The following AUTS2 variants were observed in gnomAD, a reference collection of about 807,000 sequenced individuals.
The protein encoded by AUTS2 is activator of transcription and developmental regulator AUTS2.
AUTS2 carries 17 observed loss-of-function variants against 112.4 expected under a neutral mutation model. The ratio of observed to expected loss-of-function variants is 0.15; its 90% CI spans 0.10 to 0.23. The LOEUF is 0.23. Ranked by LOEUF, AUTS2 falls within the 10% of genes least tolerant of loss-of-function variation. The pLI is 1.00. For synonymous variants in AUTS2, 751 were observed against 702.7 expected (o/e 1.07, Z -1.09); for missense variants, 1,510 against 1,701.6 (o/e 0.89, Z 1.98).
chr7:69,702,557 G>A (rs1487100245), intron 1 of AUTS2, among the ~76,000 whole-genome samples: 1 of 152,150 alleles, frequency 6.6e-6, no homozygotes, highest in Non-Finnish European at 1.5e-5. Flanking sequence ...CTTTCATCAT[G>A]GGGGCAGTGG....
chr7:69,639,829 G>A (rs1296635508), intron 1 of AUTS2, among the ~76,000 whole-genome samples: 2 of 152,332 alleles, frequency 1.3e-5, no homozygotes, highest in East Asian at 3.9e-4. Context: ...TAAGGAGACT[G>A]TTACTTCATA....
chr7:70,153,691 C>T (rs1807581195), intron 4 of AUTS2, among the ~76,000 whole-genome samples: 1 of 152,190 alleles, frequency 6.6e-6, no homozygotes, highest in Non-Finnish European at 1.5e-5. Context: ...GTTTTAAATA[C>T]ACCAGCCTAC....
chr7:70,271,926 G>A (rs1787711999), intron 4 of AUTS2, among the ~76,000 whole-genome samples: 1 of 152,144 alleles, frequency 6.6e-6, no homozygotes, highest in South Asian at 2.1e-4. Flanking sequence ...ATGTTCACGG[G>A]CAGGGAGGGA....
At chr7:70,437,691 T>A (rs1034894407) in intron 5 of AUTS2, 2 of 151,874 alleles carry the variant, frequency 1.3e-5, no homozygotes, top group African/African-American at 4.8e-5. Flanking sequence ...ATACAAAAAA[T>A]TAGCTGGGCA....
rs560872328 is a variant in AUTS2, at chr7:70,039,627, G to A, written c.523-78505G>A. 1.2e-4 allele frequency among the ~76,000 whole-genome samples: 18 copies of A among 152,284 alleles called. 1 individual carries two copies. In the South Asian group the frequency reaches 3.5e-3, roughly 30 times the overall value. The stretch of plus-strand genomic sequence containing the variant: ...GCCTTCCAAATTGCTGGGATTACAG[G>A]TGTGAATCATTGCACCCGGCCTGAG... On this transcript the variant is annotated intron_variant, in intron 2 of 18. Transcript: ENST00000342771.
chr7:70,308,920 C>T (rs1011934233), intron 4 of AUTS2, among the ~76,000 whole-genome samples: 5 of 152,128 alleles, frequency 3.3e-5, no homozygotes, highest in Admixed American at 1.3e-4. Flanking sequence ...CATCGCCTTT[C>T]GGGTCTATAG....
intron 1 of AUTS2, among the ~76,000 whole-genome samples, chr7:69,704,479 C>T (rs571390787): frequency 4.6e-5 from 7 of 152,154 alleles, no homozygotes; most frequent in East Asian, 1.9e-4. Flanking sequence ...GGGATTTCAT[C>T]GTGCTAACCA....
intron 5 of AUTS2, among the ~76,000 whole-genome samples, chr7:70,531,510 A>G (rs1800088933): frequency 6.6e-6 from 1 of 152,166 alleles, no homozygotes. Context: ...GTGAGGCCTC[A>G]GGAAGCTTTT....
intron 5 of AUTS2, among the ~76,000 whole-genome samples, chr7:70,685,599 G>A (rs567017712): frequency 1.8e-4 from 28 of 152,012 alleles, no homozygotes; most frequent in African/African-American, 4.8e-4. Context: ...AAACATGGTC[G>A]GAGAACTCCC....
chr7:70,299,471 G>A (rs1288440901), intron 4 of AUTS2, among the ~76,000 whole-genome samples: 1 of 152,138 alleles, frequency 6.6e-6, no homozygotes, highest in African/African-American at 2.4e-5. Context: ...CCACACTTAC[G>A]GTTTCTCCTC....
intron 1 of AUTS2, among the ~76,000 whole-genome samples, chr7:69,809,238 C>T (rs941187768): frequency 6.6e-6 from 1 of 152,060 alleles, no homozygotes; most frequent in Admixed American, 6.5e-5. Context: ...CCACGCCTGG[C>T]TAATTTTTTG....
intron 1 of AUTS2, among the ~76,000 whole-genome samples, chr7:69,752,066 C>G (rs573021044): frequency 1.3e-5 from 2 of 152,164 alleles, no homozygotes; most frequent in Admixed American, 6.5e-5. Flanking sequence ...ATCCACCCCC[C>G]GCCCCACACC....
At chr7:70,355,319 A>G (rs1373761045) in intron 4 of AUTS2, among the ~76,000 whole-genome samples, 1 of 152,000 alleles carries the variant, frequency 6.6e-6, no homozygotes. Flanking sequence ...CTTCTCAAGT[A>G]TGGAAAGATG....
intron 2 of AUTS2, among the ~76,000 whole-genome samples, chr7:69,964,770 AT>A (rs887891314): frequency 6.6e-5 from 10 of 150,486 alleles, no homozygotes; most frequent in Admixed American, 6.6e-4. Context: ...TGAAGACATG[AT>A]TTTTTTTTGC....
intron 4 of AUTS2, among the ~76,000 whole-genome samples, chr7:70,387,985 T>C (rs1793689711): frequency 6.6e-6 from 1 of 152,188 alleles, no homozygotes; most frequent in Admixed American, 6.5e-5. Flanking sequence ...TACAAGGCCT[T>C]CTATATTATT....
chr7:70,062,114 A>G (rs1802277436), intron 2 of AUTS2, among the ~76,000 whole-genome samples: 1 of 151,930 alleles, frequency 6.6e-6, no homozygotes, highest in South Asian at 2.1e-4. Context: ...AATTTCTCTC[A>G]CAAACCTTCC....
At chr7:70,033,112 T>C (rs944616919) in intron 2 of AUTS2, among the ~76,000 whole-genome samples, 1 of 152,152 alleles carries the variant, frequency 6.6e-6, no homozygotes, top group Non-Finnish European at 1.5e-5. Flanking sequence ...AATTAGATTG[T>C]GGTAATAGTT....
intron 4 of AUTS2, among the ~76,000 whole-genome samples, chr7:70,268,494 C>A (rs1042086664): frequency 5.3e-5 from 8 of 152,126 alleles, no homozygotes; most frequent in African/African-American, 1.7e-4. Context: ...GATGCTGTTT[C>A]ACTCATAAAT....
At chr7:70,266,585 A>G in intron 4 of AUTS2, among the ~76,000 whole-genome samples, 1 of 152,152 alleles carries the variant, frequency 6.6e-6, no homozygotes, top group East Asian at 1.9e-4. Context: ...ACATGAGGGA[A>G]CTTTTTTGAG....
Sources: allele counts gnomAD v4.1 joint callset (sites outside exome capture counted in the v4.1 genomes callset), GRCh38; gene constraint gnomAD v4.1.1; transcripts MANE v1.5; gene names NCBI Gene and HGNC (gene_info 2026-07-23, HGNC 2026-07-21).